The following NID1 variants were observed in gnomAD, a reference collection of about 807,000 sequenced individuals.
The protein encoded by NID1 is nidogen-1.
NID1 carries 76 observed loss-of-function variants against 130.6 expected under a neutral mutation model. The observed-to-expected ratio is 0.58, with a 90% CI of 0.48 to 0.70. NID1 has a LOEUF of 0.70. Among genes scored for constraint, NID1 ranks in the 30% least tolerant of loss-of-function variants. The probability of loss-of-function intolerance (pLI) is 0.00; values close to 1 mark genes in which losing one functional copy is unlikely to be tolerated. For missense variants in NID1, 1,517 were observed against 1,664.8 expected, an observed-to-expected ratio of 0.91 and a Z score of 1.54; for synonymous variants, 665 against 675.1, an observed-to-expected ratio of 0.98 and a Z score of 0.23.
chr1:236,046,857 T>G (rs1038959783), intron 2 of NID1, among the ~76,000 whole-genome samples: 6 of 152,202 alleles, frequency 3.9e-5, no homozygotes, highest in African/African-American at 1.2e-4. Flanking sequence ...CCTAACAGAC[T>G]TTCCCAAAGT....
At chr1:235,982,507 A>T (rs776966742) in intron 15 of NID1, among the ~76,000 whole-genome samples, 2 of 152,198 alleles carry the variant, frequency 1.3e-5, no homozygotes, top group Non-Finnish European at 2.9e-5. Context: ...TATTACTTTC[A>T]TACAAGTATA....
intron 1 of NID1, among the ~76,000 whole-genome samples, chr1:236,057,088 G>A (rs571178342): frequency 1.2e-4 from 18 of 152,166 alleles, no homozygotes; most frequent in Admixed American, 2.6e-4. Flanking sequence ...GTGAAATCCC[G>A]TCTCTACTAA....
chr1:236,022,030 G>A (rs1658781008), intron 9 of NID1, among the ~76,000 whole-genome samples: 1 of 152,102 alleles, frequency 6.6e-6, no homozygotes, highest in Admixed American at 6.5e-5. Flanking sequence ...AGAGCGTTGC[G>A]AGGCCAAGGC....
At chr1:236,016,978 C>T (rs1658611839) in intron 10 of NID1, among the ~76,000 whole-genome samples, 170 bp downstream of exon 10, 5 of 152,234 alleles carry the variant, frequency 3.3e-5, no homozygotes, top group Admixed American at 3.3e-4. Context: ...ACACTTGTGA[C>T]TCTCCAGATA....
intron 12 of NID1, among the ~76,000 whole-genome samples, chr1:236,009,958 C>T (rs1013656781): frequency 1.3e-5 from 2 of 152,124 alleles, no homozygotes; most frequent in Non-Finnish European, 2.9e-5. Flanking sequence ...CCAGCCTACA[C>T]GCCTGGATCT....
intron 14 of NID1, among the ~76,000 whole-genome samples, chr1:235,989,751 T>C (rs1459746280): frequency 6.6e-6 from 1 of 152,124 alleles, no homozygotes; most frequent in Non-Finnish European, 1.5e-5. Context: ...CTCTGAGAGA[T>C]GATGTTTTGG....
chr1:236,028,556 T>G (rs769904319), intron 7 of NID1, among the ~76,000 whole-genome samples: 2 of 152,162 alleles, frequency 1.3e-5, no homozygotes, highest in African/African-American at 4.8e-5. Flanking sequence ...GTATCCATGT[T>G]AAATTTCTCA....
At chr1:235,981,229 C>G (rs755818850) in intron 16 of NID1, among the ~76,000 whole-genome samples, 1 of 152,196 alleles carries the variant, frequency 6.6e-6, no homozygotes, top group Non-Finnish European at 1.5e-5. Flanking sequence ...GAAGGGATCT[C>G]CAGGGTGTTC....
At chr1:236,036,462 C>T (rs1377523081) in intron 5 of NID1, among the ~76,000 whole-genome samples, 4 of 152,132 alleles carry the variant, frequency 2.6e-5, no homozygotes, top group Non-Finnish European at 5.9e-5. Context: ...GAAACCATTC[C>T]TCCAGTTGAC....
chr1:236,060,812 G>A (rs1415977300), intron 1 of NID1: 4 of 152,040 alleles, frequency 2.6e-5, no homozygotes, highest in Admixed American at 1.3e-4. Context: ...TTTAACTACG[G>A]GTGTGTCTAT....
intron 12 of NID1, among the ~76,000 whole-genome samples, chr1:235,998,178 C>T (rs1657980396): frequency 6.6e-6 from 1 of 152,168 alleles, no homozygotes; most frequent in East Asian, 1.9e-4. Context: ...TCTGTGTTGC[C>T]AGTTCTCATG....
At chr1:236,041,224 C>T (rs544977929) in intron 4 of NID1, among the ~76,000 whole-genome samples, 9 of 152,198 alleles carry the variant, frequency 5.9e-5, no homozygotes, top group African/African-American at 1.4e-4. Context: ...TGTGTCACCA[C>T]GCCCAGCTAA....
chr1:236,011,938 A>G lies in NID1; in HGVS notation c.2510T>C (p.Phe837Ser). The G allele has an allele frequency of 6.2e-7, 1 of 1,614,110 alleles. No individual in the cohort carries two copies. The highest frequency in any genetic ancestry group is 8.5e-7 in the Non-Finnish European group (1 of 1,180,022). ...CACCTTACCTCCGGGCACGCAACGG[A>G]AGCCGTCTCCCTGATAACCAGGTTT... ...QCKPGYQGDGFRCVPGEVEKT... is the reference protein window; with the variant it reads ...QCKPGYQGDGSRCVPGEVEKT... The change falls in exon 12 of 20, where the codon TTC becomes TCC. Residue 837 changes from phenylalanine (F) to serine (S), a missense_variant. Phe to Ser is a radical substitution (Grantham distance 155, BLOSUM62 -2). Coordinates refer to ENST00000264187, the MANE Select transcript of NID1 (RefSeq NM_002508.3).
chr1:236,050,965 C>A (rs1659749153), intron 1 of NID1, among the ~76,000 whole-genome samples: 1 of 152,052 alleles, frequency 6.6e-6, no homozygotes, highest in African/African-American at 2.4e-5. Context: ...TGCCTGCAGT[C>A]CCAGCTACTT....
chr1:236,008,272 C>T (rs996999727), intron 12 of NID1, among the ~76,000 whole-genome samples: 2 of 152,146 alleles, frequency 1.3e-5, no homozygotes, highest in Non-Finnish European at 2.9e-5. Flanking sequence ...AGGAACAAAT[C>T]GCAATTTCTC....
intron 1 of NID1, among the ~76,000 whole-genome samples, chr1:236,061,529 G>T (rs1163348524): frequency 6.6e-6 from 1 of 151,870 alleles, no homozygotes; most frequent in East Asian, 1.9e-4. Flanking sequence ...GCAATGGCGC[G>T]ATCTTGGCTT....
rs566558332 is a variant in NID1 at position 236,014,759 on chromosome 1, G to A, written c.2255-1199C>T. On this transcript the variant is annotated intron_variant, in intron 10 of 19. Transcript: ENST00000264187. ...CATGCCCTGCACCAAGATGCCTAGG[G>A]GAGGAGAAGTAGGACCTCAAGTTCA... 4.6e-5 allele frequency among the ~76,000 whole-genome samples: 7 copies of A among 152,250 alleles called. 1 individual carries two copies. The highest frequency in any genetic ancestry group is 4.6e-4 in the Admixed American group (7 of 15,298).
chr1:236,030,734 T>C (rs1045063162), intron 6 of NID1, among the ~76,000 whole-genome samples: 9 of 152,156 alleles, frequency 5.9e-5, no homozygotes, highest in African/African-American at 1.9e-4. Context: ...GTTAAACAAG[T>C]CCCAGGCAAG....
rs1657273359 is a variant in NID1, at chr1:235,976,970, A to G, written c.*897T>C. 6.6e-6 allele frequency: 1 copy of G among 152,198 alleles called. No individual in the cohort carries two copies. The highest frequency in any genetic ancestry group is 1.5e-5 in the Non-Finnish European group (1 of 68,050). The allele number at this position is 152,198 out of a possible 1,614,324, so 9.4% of individuals were successfully genotyped here. The stretch of plus-strand genomic sequence containing the variant: ...GAAAAGGAGGGACATCAGTGCAAGC[A>G]GTGGGGCTAAAGACCAGCACAGCAA... On this transcript the variant is annotated 3_prime_UTR_variant, in exon 20 of 20. Coordinates refer to ENST00000264187, the MANE Select transcript of NID1 (RefSeq NM_002508.3).
Sources: gnomAD v4.1 joint callset for allele counts (sites outside exome capture counted in the v4.1 genomes callset) on GRCh38, gnomAD v4.1.1 for gene constraint, MANE v1.5 for transcripts, NCBI Gene and HGNC (gene_info 2026-07-23, HGNC 2026-07-21) for gene names.